The following MTCL3 variants were observed in gnomAD, a reference collection of about 807,000 sequenced individuals.
MTCL3 encodes microtubule cross-linking factor 3.
At chr6:127,503,067 A>G in the MTCL3 span, among the ~76,000 whole-genome samples, 1 of 152,158 alleles carries the variant, frequency 6.6e-6, no homozygotes, top group Admixed American at 6.5e-5. Context: ...AGAGTATTAT[A>G]GAGGATTATA....
chr6:127,502,092 CCAAA>C, the MTCL3 span, among the ~76,000 whole-genome samples: 4 of 152,064 alleles, frequency 2.6e-5, no homozygotes, highest in Admixed American at 6.5e-5. Flanking sequence ...CTTCTCTTGC[CCAAA>C]CATTTATTGA....
the MTCL3 span, among the ~76,000 whole-genome samples, chr6:127,501,492 T>G: frequency 9.3e-4 from 141 of 152,236 alleles, no homozygotes; most frequent in Non-Finnish European, 1.7e-3. Flanking sequence ...TTATTTCTAC[T>G]ATTATTCAAG....
At chr6:127,486,304 C>A in the MTCL3 span, among the ~76,000 whole-genome samples, 1 of 152,130 alleles carries the variant, frequency 6.6e-6, no homozygotes, top group Non-Finnish European at 1.5e-5. Context: ...AGGGCTGCTA[C>A]TATGTGTAAG....
the MTCL3 span, chr6:127,515,664 G>T: frequency 6.7e-7 from 1 of 1,498,290 alleles, no homozygotes; most frequent in Non-Finnish European, 8.8e-7. The surrounding 1 kb of genome is among the most constrained non-coding windows in gnomAD (Gnocchi z 4.3). Context: ...TCTGCTGGGG[G>T]CCCTCCGCCG....
chr6:127,495,525 C>T, the MTCL3 span, among the ~76,000 whole-genome samples: 1 of 152,140 alleles, frequency 6.6e-6, no homozygotes, highest in Admixed American at 6.5e-5. Context: ...AAATTAGCAA[C>T]ATTGTTCTAT....
chr6:127,474,056 A>G, the MTCL3 span, among the ~76,000 whole-genome samples: 2 of 152,088 alleles, frequency 1.3e-5, no homozygotes, highest in African/African-American at 4.8e-5. Context: ...GTTGCCTTCA[A>G]GCTACCGTAT....
chr6:127,502,739 C>T, the MTCL3 span, among the ~76,000 whole-genome samples: 31 of 152,228 alleles, frequency 2.0e-4, no homozygotes, highest in South Asian at 4.1e-4. Context: ...GATATGGTAC[C>T]ATACAATTTA....
chr6:127,479,615 G>A, the MTCL3 span, among the ~76,000 whole-genome samples: 1 of 152,182 alleles, frequency 6.6e-6, no homozygotes, highest in African/African-American at 2.4e-5. Context: ...TATCTGATTT[G>A]TGTGTATGTA....
chr6:127,495,155 C>T, the MTCL3 span, among the ~76,000 whole-genome samples: 1 of 151,290 alleles, frequency 6.6e-6, no homozygotes, highest in African/African-American at 2.4e-5. Context: ...CAAGATCAAG[C>T]CCCTGCACTC....
At chr6:127,501,103 C>T in the MTCL3 span, among the ~76,000 whole-genome samples, 1 of 152,222 alleles carries the variant, frequency 6.6e-6, no homozygotes, top group African/African-American at 2.4e-5. Flanking sequence ...TGAGCCACTG[C>T]TCCTGGCCAA....
chr6:127,500,052 C>T, the MTCL3 span, among the ~76,000 whole-genome samples: 2 of 152,098 alleles, frequency 1.3e-5, no homozygotes, highest in African/African-American at 4.8e-5. Context: ...TTTCTGAATG[C>T]CTTGCCAGCC....
the MTCL3 span, among the ~76,000 whole-genome samples, chr6:127,504,017 A>G: frequency 1.3e-5 from 2 of 152,208 alleles, no homozygotes; most frequent in African/African-American, 4.8e-5. Context: ...GGTCTTAATA[A>G]CATGGACTCA....
At chr6:127,517,727 T>C in the MTCL3 span, 1 of 152,210 alleles carries the variant, frequency 6.6e-6, no homozygotes, top group Admixed American at 6.5e-5. Flanking sequence ...ATTTCCAGTA[T>C]GTGTATTTCC....
At chr6:127,500,009 G>C in the MTCL3 span, among the ~76,000 whole-genome samples, 1 of 152,010 alleles carries the variant, frequency 6.6e-6, no homozygotes, top group African/African-American at 2.4e-5. Context: ...TTCATTTCTC[G>C]GGGTGGTGAT....
chr6:127,504,181 G>A, the MTCL3 span, among the ~76,000 whole-genome samples: 2 of 152,158 alleles, frequency 1.3e-5, no homozygotes, highest in Non-Finnish European at 2.9e-5. Context: ...GATGCTGAGG[G>A]TGCCACAGGG....
chr6:127,506,209 C>A, the MTCL3 span, among the ~76,000 whole-genome samples: 2 of 152,134 alleles, frequency 1.3e-5, no homozygotes, highest in Non-Finnish European at 2.9e-5. Context: ...AAAATTTTAA[C>A]TCATAATTTG....
chr6:127,515,894 C>T, the MTCL3 span: 9,756 of 1,612,008 alleles, frequency 6.1e-3, 72 homozygotes, highest in Middle Eastern at 0.015. This position sits in a 1 kb window ranked among gnomAD's most constrained non-coding sequence, Gnocchi z 4.3. Flanking sequence ...CCGCTGCCGC[C>T]CCCCGCAACG....
chr6:127,495,765 A>G, the MTCL3 span, among the ~76,000 whole-genome samples: 1 of 152,244 alleles, frequency 6.6e-6, no homozygotes, highest in African/African-American at 2.4e-5. Flanking sequence ...GTTAAATGTG[A>G]TAGCCCACAA....
the MTCL3 span, among the ~76,000 whole-genome samples, chr6:127,510,514 C>T: frequency 6.6e-6 from 1 of 152,216 alleles, no homozygotes; most frequent in African/African-American, 2.4e-5. Context: ...ACAGTCTATG[C>T]ATATTTTCCC....
Sources: allele counts gnomAD v4.1 joint callset (sites outside exome capture counted in the v4.1 genomes callset), GRCh38; gene constraint gnomAD v4.1.1; non-coding constraint Gnocchi (gnomAD v3.1); transcripts MANE v1.5; gene names NCBI Gene and HGNC (gene_info 2026-07-23, HGNC 2026-07-21).